Variants in SCP2 observed in about 807,000 individuals in gnomAD.
SCP2 encodes the protein sterol carrier protein 2.
SCP2 carries 48 observed loss-of-function variants against 71.4 expected under a neutral mutation model. The observed-to-expected ratio is 0.67, with a 90% CI of 0.53 to 0.86. The LOEUF is 0.86. Among genes scored for constraint, SCP2 ranks in the 40% least tolerant of loss-of-function variants. SCP2 has a pLI of 0.00. For synonymous variants in SCP2, 220 were observed against 218.1 expected (o/e 1.01, Z -0.08); for missense variants, 560 against 655.6 (o/e 0.85, Z 1.59).
chr1:53,026,787 G>C lies in SCP2; in HGVS notation c.1236-1182G>C, dbSNP rs900216630. On this transcript the variant is annotated intron_variant, in intron 12 of 15. Coordinates refer to ENST00000371514, the MANE Select transcript of SCP2 (RefSeq NM_002979.5). ...AGGACCACTGCACCCCAGCCTGGGCGACAGAGTCCCTGTGGGAAAGAGAGA... is the reference window on the plus strand; with the variant it reads ...AGGACCACTGCACCCCAGCCTGGGCCACAGAGTCCCTGTGGGAAAGAGAGA... Among the ~76,000 whole-genome samples the C allele has an allele frequency of 2.6e-5, 4 of 152,056 alleles. No homozygotes were observed. The South Asian group carries it at 8.3e-4, about 32-fold the overall frequency.
intron 14 of SCP2, among the ~76,000 whole-genome samples, chr1:53,044,023 A>C (rs76785869): frequency 1.3e-3 from 202 of 152,164 alleles, no homozygotes; most frequent in Non-Finnish European, 2.5e-3. Flanking sequence ...TCAGTGATTT[A>C]ATACTATAGG....
intron 12 of SCP2, among the ~76,000 whole-genome samples, chr1:53,020,366 CTT>C (rs776920379): frequency 2.6e-5 from 4 of 152,110 alleles, no homozygotes; most frequent in Admixed American, 1.3e-4. Context: ...GCTCAATAAA[CTT>C]TTGGTTTTTT....
chr1:53,044,168 C>T (rs1359450480), intron 14 of SCP2, among the ~76,000 whole-genome samples: 1 of 152,094 alleles, frequency 6.6e-6, no homozygotes, highest in Non-Finnish European at 1.5e-5. Context: ...AGCGATTCTC[C>T]TGCCTCAGCC....
chr1:53,006,864 G>A (rs1286342598), intron 11 of SCP2, among the ~76,000 whole-genome samples: 1 of 152,150 alleles, frequency 6.6e-6, no homozygotes, highest in Non-Finnish European at 1.5e-5. Flanking sequence ...AGACCCATCA[G>A]TGTGCTGTAT....
rs370243094 is a variant in SCP2, at chr1:53,015,051, A to G, written c.1235+8A>G. The G allele has an allele frequency of 6.2e-7, 1 of 1,613,636 alleles. No individual in the cohort carries two copies. Among genetic ancestry groups the G allele is most frequent in the African/African-American group, 1.3e-5 (1 of 74,938 alleles). On this transcript the variant is annotated splice_region_variant and intron_variant, in intron 12 of 15. Transcript: ENST00000371514. ...TTTTCCGGAAGCCGCCAGGTGAGTG[A>G]CATTCAGAGTTTTGTGTGTCAGTTA...
chr1:52,985,272 A>C (rs990004524), intron 10 of SCP2, among the ~76,000 whole-genome samples: 1 of 152,002 alleles, frequency 6.6e-6, no homozygotes, highest in Non-Finnish European at 1.5e-5. Flanking sequence ...CTAAGTCCAA[A>C]ATTGAGCTAT....
chr1:52,928,135 A>C (rs962703134), intron 1 of SCP2, among the ~76,000 whole-genome samples: 1 of 152,156 alleles, frequency 6.6e-6, no homozygotes, highest in Non-Finnish European at 1.5e-5. Flanking sequence ...TTCAGATCGG[A>C]TCTTCTCCAG....
In SCP2 at chr1:52,959,257, G is replaced by A. The variant is rs182255810; in HGVS notation, c.397-2246G>A. Reference sequence around the variant, plus strand: ...GTTGCCCAAGCTGGAGTACAATGGTGCAGTCTTGGCTCACCGCAACCTCCA... The same window carrying A: ...GTTGCCCAAGCTGGAGTACAATGGTACAGTCTTGGCTCACCGCAACCTCCA... On this transcript the variant is annotated intron_variant, in intron 5 of 15. Transcript: ENST00000371514. 4.6e-5 allele frequency among the ~76,000 whole-genome samples: 7 copies of A among 151,054 alleles called. No homozygotes were observed. The East Asian group carries it at 5.8e-4, about 13-fold the overall frequency.
chr1:52,936,554 CA>C (rs1653760887), intron 1 of SCP2, among the ~76,000 whole-genome samples: 1 of 152,152 alleles, frequency 6.6e-6, no homozygotes, highest in Non-Finnish European at 1.5e-5. Flanking sequence ...ATGCAATCTG[CA>C]AAATCCAGAC....
At chr1:52,993,785 C>G in intron 11 of SCP2, 1 of 1,565,084 alleles carries the variant, frequency 6.4e-7, no homozygotes, top group Non-Finnish European at 8.7e-7. Flanking sequence ...TCTCTCCTCC[C>G]CCAGCACCAA....
intron 6 of SCP2, among the ~76,000 whole-genome samples, chr1:52,962,168 T>C (rs556980380): frequency 6.6e-6 from 1 of 152,234 alleles, no homozygotes; most frequent in African/African-American, 2.4e-5. Flanking sequence ...TCCCAAAGTG[T>C]TGGGATTACA....
intron 10 of SCP2, among the ~76,000 whole-genome samples, chr1:52,983,888 G>A (rs1272840871): frequency 6.6e-6 from 1 of 152,230 alleles, no homozygotes; most frequent in African/African-American, 2.4e-5. Context: ...CCTGGACAGG[G>A]TGAATGTCCT....
intron 11 of SCP2, chr1:52,994,370 A>G: frequency 1.3e-6 from 1 of 798,714 alleles, no homozygotes; most frequent in Non-Finnish European, 1.5e-6. Flanking sequence ...GTTCTTGTTG[A>G]CATACAACTT....
chr1:52,951,049 G>T (rs35364355), intron 4 of SCP2, among the ~76,000 whole-genome samples, 163 bp downstream of exon 4: 2 of 152,114 alleles, frequency 1.3e-5, no homozygotes, highest in Non-Finnish European at 2.9e-5. Context: ...GGGAGGCCGA[G>T]GGGGGTGGAT....
intron 11 of SCP2, among the ~76,000 whole-genome samples, chr1:52,990,736 A>G (rs1231220423): frequency 8.5e-6 from 1 of 117,766 alleles, no homozygotes. Flanking sequence ...TCCGTCTCAA[A>G]AAAAAAAAAA....
intron 13 of SCP2, among the ~76,000 whole-genome samples, chr1:53,031,004 T>C (rs1046441296): frequency 1.3e-5 from 2 of 151,746 alleles, no homozygotes; most frequent in African/African-American, 4.8e-5. Flanking sequence ...TCCTATAAAA[T>C]GAAGTTGCAC....
chr1:53,020,186 C>T lies in SCP2; in HGVS notation c.1235+5143C>T, dbSNP rs557532776. Among the ~76,000 whole-genome samples, 4 of 152,238 alleles carry T rather than the reference C, an allele frequency of 2.6e-5. No individual in the cohort carries two copies. The South Asian group carries it at 8.3e-4, about 32-fold the overall frequency. On this transcript the variant is annotated intron_variant, in intron 12 of 15. Coordinates refer to ENST00000371514, the MANE Select transcript of SCP2 (RefSeq NM_002979.5). ...ACAGACATGAGCCACCATGCCATGC[C>T]ATCAGAGACAGTTTTGATCAGTGGG...
At chr1:52,933,708 C>T (rs1372594105) in intron 1 of SCP2, among the ~76,000 whole-genome samples, 2 of 152,186 alleles carry the variant, frequency 1.3e-5, no homozygotes, top group Non-Finnish European at 2.9e-5. Flanking sequence ...TTTTTGACAG[C>T]TGCCAATGAA....
At chr1:52,949,175 A>T (rs1435321548) in intron 3 of SCP2, among the ~76,000 whole-genome samples, 1 of 152,194 alleles carries the variant, frequency 6.6e-6, no homozygotes, top group East Asian at 1.9e-4. Context: ...CATATCTATG[A>T]TTCATTTCTT....
Sources: gnomAD v4.1 joint callset for allele counts (sites outside exome capture counted in the v4.1 genomes callset) on GRCh38, gnomAD v4.1.1 for gene constraint, MANE v1.5 for transcripts, NCBI Gene and HGNC (gene_info 2026-07-23, HGNC 2026-07-21) for gene names.